The following PLEKHA7 variants were observed in gnomAD, a reference collection of about 807,000 sequenced individuals.
PLEKHA7 encodes the protein pleckstrin homology domain-containing family A member 7.
PLEKHA7 carries 104 observed loss-of-function variants against 170.0 expected under a neutral mutation model. That is an observed-to-expected ratio of 0.61 (90% CI 0.52 to 0.72). PLEKHA7 has a LOEUF of 0.72. Ranked by LOEUF, PLEKHA7 falls within the 30% of genes least tolerant of loss-of-function variation. The pLI is 0.00. For synonymous variants in PLEKHA7, 648 were observed against 660.8 expected (o/e 0.98, Z 0.30); for missense variants, 1,615 against 1,671.7 (o/e 0.97, Z 0.59).
rs1478320071 is a variant in PLEKHA7, at chr11:16,795,038, G to A, written c.2410-20C>T. On this transcript the variant is annotated intron_variant, in intron 17 of 26. Transcript: ENST00000531066. The stretch of plus-strand genomic sequence containing the variant: ...TTTCTCCTGAGGAAGACGAAGTGGT[G>A]GGTTTGCCTTCTTAGCTCCTTACAA... 10 of 1,552,494 alleles carry A rather than the reference G, an allele frequency of 6.4e-6. No individual in the cohort carries two copies. Among genetic ancestry groups the A allele is most frequent in the East Asian group, 2.2e-5 (1 of 44,624 alleles).
chr11:16,822,789 G>A (rs978912581), intron 10 of PLEKHA7, among the ~76,000 whole-genome samples: 4 of 152,074 alleles, frequency 2.6e-5, no homozygotes, highest in African/African-American at 7.2e-5. Flanking sequence ...GGGGGAAGAG[G>A]GATAGGGGAA....
chr11:16,813,747 A>G (rs779614000), intron 12 of PLEKHA7, among the ~76,000 whole-genome samples: 10 of 152,168 alleles, frequency 6.6e-5, no homozygotes, highest in Non-Finnish European at 1.5e-4. Flanking sequence ...CTCACCATGG[A>G]GCCAATGTAG....
At chr11:16,931,230 C>T (rs748117817) in intron 3 of PLEKHA7, among the ~76,000 whole-genome samples, 2 of 152,028 alleles carry the variant, frequency 1.3e-5, no homozygotes, top group Non-Finnish European at 2.9e-5. Flanking sequence ...ATTTCAGGGG[C>T]GCACCACCAG....
At chr11:16,903,826 G>C (rs1319270750) in intron 3 of PLEKHA7, among the ~76,000 whole-genome samples, 1 of 152,148 alleles carries the variant, frequency 6.6e-6, no homozygotes, top group Non-Finnish European at 1.5e-5. Flanking sequence ...TCCACAAATT[G>C]ATTTAGTTTC....
chr11:16,836,108 C>T (rs1322962626), intron 9 of PLEKHA7, among the ~76,000 whole-genome samples: 1 of 152,244 alleles, frequency 6.6e-6, no homozygotes, highest in East Asian at 1.9e-4. Context: ...GTATGAATCT[C>T]AGAGCTTCTA....
intron 9 of PLEKHA7, among the ~76,000 whole-genome samples, chr11:16,832,482 C>T (rs911452961): frequency 5.3e-5 from 8 of 152,218 alleles, no homozygotes; most frequent in Non-Finnish European, 1.2e-4. Context: ...TTCACAAGAA[C>T]TTGAATGTTA....
intron 3 of PLEKHA7, among the ~76,000 whole-genome samples, chr11:16,920,740 T>A (rs59976990): frequency 0.02 from 3,024 of 152,316 alleles, 108 homozygotes; most frequent in African/African-American, 0.069. Flanking sequence ...ATGCCCACTC[T>A]GACGACACCA....
At chr11:16,847,119 C>T (rs1459638871) in intron 8 of PLEKHA7, among the ~76,000 whole-genome samples, 187 of 98,620 alleles carry the variant, frequency 1.9e-3, no homozygotes, top group African/African-American at 7.2e-3. Context: ...TTTTTTGAGA[C>T]GGAGTCTTGC....
chr11:16,969,351 A>G (rs1862570745), intron 3 of PLEKHA7, among the ~76,000 whole-genome samples: 1 of 152,224 alleles, frequency 6.6e-6, no homozygotes, highest in Non-Finnish European at 1.5e-5. Context: ...TGAGACCAGC[A>G]GTTTAAGAGG....
chr11:16,812,937 C>T (rs556459599), intron 13 of PLEKHA7, among the ~76,000 whole-genome samples, 176 bp downstream of exon 13: 1 of 152,306 alleles, frequency 6.6e-6, no homozygotes, highest in South Asian at 2.1e-4. Context: ...TGAAAAAAGG[C>T]AGAGTTTTAG....
chr11:16,944,972 C>T (rs999945324), intron 3 of PLEKHA7, among the ~76,000 whole-genome samples: 3 of 151,936 alleles, frequency 2.0e-5, no homozygotes, highest in Non-Finnish European at 4.4e-5. Flanking sequence ...TTTTTTCCCC[C>T]TTCACCCAGG....
At chr11:16,886,097 T>G (rs1445612853) in intron 3 of PLEKHA7, among the ~76,000 whole-genome samples, 1 of 152,096 alleles carries the variant, frequency 6.6e-6, no homozygotes, top group Non-Finnish European at 1.5e-5. Flanking sequence ...CCACCACCAA[T>G]TCTATCCCTA....
At chr11:16,787,195 A>G in intron 23 of PLEKHA7, 1 of 985,408 alleles carries the variant, frequency 1.0e-6, no homozygotes, top group Non-Finnish European at 1.2e-6. Context: ...TTGACCGCTG[A>G]GCAGGTTGTT....
intron 21 of PLEKHA7, 83 bp downstream of exon 21, chr11:16,790,715 C>G: frequency 1.4e-6 from 2 of 1,388,018 alleles, no homozygotes; most frequent in Admixed American, 1.9e-5. Context: ...GAGCTGCAGG[C>G]AGAAGGGTAC....
intron 8 of PLEKHA7, among the ~76,000 whole-genome samples, chr11:16,848,172 G>T (rs546887872): frequency 6.6e-6 from 1 of 152,228 alleles, no homozygotes; most frequent in Non-Finnish European, 1.5e-5. Context: ...AAAAAAGGCA[G>T]CTCTTTCTTG....
intron 13 of PLEKHA7, among the ~76,000 whole-genome samples, chr11:16,810,488 G>C (rs1032832038): frequency 1.3e-5 from 2 of 152,222 alleles, no homozygotes; most frequent in African/African-American, 4.8e-5. Flanking sequence ...CTGCTGGTGA[G>C]CCAAGCCTCT....
intron 9 of PLEKHA7, among the ~76,000 whole-genome samples, chr11:16,838,787 C>T (rs1851731889): frequency 6.7e-6 from 1 of 149,474 alleles, no homozygotes; most frequent in South Asian, 2.1e-4. Context: ...CCCGGGTTCA[C>T]GCCATTCTCC....
chr11:16,829,585 G>A lies in PLEKHA7; in HGVS notation c.873-2995C>T, dbSNP rs186794676. 3.4e-3 allele frequency among the ~76,000 whole-genome samples: 516 copies of A among 152,242 alleles called. 7 individuals are homozygous for A. Among genetic ancestry groups the A allele is most frequent in the African/African-American group, 0.012 (492 of 41,540 alleles). ...GAGGTCAGGGGTTCAAGACCAGCCC[G>A]ACCAACATGGTGAAACCCCATCTCT... On this transcript the variant is annotated intron_variant, in intron 9 of 26. Coordinates refer to ENST00000531066, the MANE Select transcript of PLEKHA7 (RefSeq NM_001329630.2).
intron 3 of PLEKHA7, among the ~76,000 whole-genome samples, chr11:16,980,779 C>T (rs910356678): frequency 6.6e-6 from 1 of 152,114 alleles, no homozygotes; most frequent in Admixed American, 6.5e-5. Context: ...AAAAAATTAG[C>T]AGGAGGCTGA....
Sources: gnomAD v4.1 joint callset for allele counts (sites outside exome capture counted in the v4.1 genomes callset) on GRCh38, gnomAD v4.1.1 for gene constraint, MANE v1.5 for transcripts, NCBI Gene and HGNC (gene_info 2026-07-23, HGNC 2026-07-21) for gene names.